PCDHA6: variants seen among roughly 807,000 people sequenced by gnomAD.
PCDHA6 encodes the protein protocadherin alpha 6.
PCDHA6 carries 55 observed loss-of-function variants against 60.3 expected under a neutral mutation model. The observed-to-expected ratio is 0.91, with a 90% CI of 0.73 to 1.14. The LOEUF (loss-of-function observed/expected upper bound fraction) is 1.14. Ranked by LOEUF, PCDHA6 falls within the 50% of genes most tolerant of loss-of-function variation. The pLI is 0.00. For missense variants in PCDHA6, 1,327 were observed against 1,256.5 expected (o/e 1.06, Z -0.85); for synonymous variants, 652 against 557.9 (o/e 1.17, Z -2.38).
rs552832365 is a variant in PCDHA6, at chr5:140,928,668, T to C, written c.2395-50281T>C. ...TAGCAGAGGATGCTGACAGTGGTTC[T>C]AATGCCTGGCTTTCCTACCACATCT... is the stretch of plus-strand genomic sequence containing the variant. On this transcript the variant is annotated intron_variant, in intron 1 of 3. Transcript: ENST00000529310. The C allele has an allele frequency of 2.4e-4, 388 of 1,614,234 alleles. 3 individuals are homozygous for C. The South Asian group carries it at 4.0e-3, about 17-fold the overall frequency.
chr5:140,944,410 C>G (rs1339076109), intron 1 of PCDHA6, among the ~76,000 whole-genome samples: 1 of 152,272 alleles, frequency 6.6e-6, no homozygotes, highest in Middle Eastern at 3.4e-3. Flanking sequence ...TGGTCTCGAA[C>G]TCCTGATCTG....
intron 1 of PCDHA6, among the ~76,000 whole-genome samples, chr5:140,931,556 A>T (rs2153608416): frequency 6.6e-6 from 1 of 152,166 alleles, no homozygotes; most frequent in East Asian, 1.9e-4. Context: ...ATGTGCAGGA[A>T]TATTGTACCA....
In PCDHA6 at chr5:140,829,702, G is replaced by C; in HGVS notation, c.1611G>C (p.Ala537=). The C allele has an allele frequency of 2.5e-6, 4 of 1,613,390 alleles. No individual in the cohort carries two copies. The highest frequency in any genetic ancestry group is 3.4e-6 in the Non-Finnish European group (4 of 1,179,872). ...AGCTGCTGCAGTTTCAGGTGAGCGCGCGCGACGCGGGCGTGCCGCCTCTGG... is the reference window on the plus strand; with the variant it reads ...AGCTGCTGCAGTTTCAGGTGAGCGCCCGCGACGCGGGCGTGCCGCCTCTGG... ...ELELLQFQVS[A]RDAGVPPLGS... is the part of the protein sequence containing the mutation. The change falls in exon 1 of 4, where the codon GCG becomes GCC. Residue 537 remains alanine, a synonymous_variant. Coordinates refer to ENST00000529310, the MANE Select transcript of PCDHA6 (RefSeq NM_018909.4).
intron 1 of PCDHA6, chr5:140,854,181 AGTTT>A (rs1554147112): frequency 9.2e-6 from 4 of 434,258 alleles, no homozygotes; most frequent in Non-Finnish European, 1.2e-5. Flanking sequence ...AAAAAAGAGT[AGTTT>A]AACTACTCCC....
chr5:140,887,101 C>CT (rs200717289), intron 1 of PCDHA6, among the ~76,000 whole-genome samples: 1,545 of 145,196 alleles, frequency 0.011, 15 homozygotes, highest in African/African-American at 0.022. Flanking sequence ...ATCTTTATCT[C>CT]TTTTTTTTTT....
intron 1 of PCDHA6, among the ~76,000 whole-genome samples, chr5:140,933,667 C>A (rs2089323484): frequency 6.6e-6 from 1 of 151,936 alleles, no homozygotes. Flanking sequence ...CTCTCTCTGT[C>A]TCTCTCACAT....
chr5:140,959,038 A>ATG (rs1387162159), intron 1 of PCDHA6, among the ~76,000 whole-genome samples: 2 of 151,994 alleles, frequency 1.3e-5, no homozygotes, highest in Non-Finnish European at 2.9e-5. Flanking sequence ...ATGGGTATGT[A>ATG]TGTATAGGAA....
intron 1 of PCDHA6, chr5:140,928,753 G>A (rs782483181): frequency 1.2e-6 from 2 of 1,614,142 alleles, no homozygotes; most frequent in Non-Finnish European, 8.5e-7. Flanking sequence ...GCTCCGTACT[G>A]CTCGCTTAGT....
chr5:140,870,629 T>C, intron 1 of PCDHA6: 2 of 1,612,984 alleles, frequency 1.2e-6, no homozygotes, highest in East Asian at 4.5e-5. Flanking sequence ...TACGTGTCGG[T>C]GCACGCGGAG....
intron 1 of PCDHA6, among the ~76,000 whole-genome samples, chr5:140,962,568 A>G (rs915587591): frequency 6.6e-6 from 1 of 152,222 alleles, no homozygotes; most frequent in Non-Finnish European, 1.5e-5. Context: ...CTAAAAGCCA[A>G]TTGTTAATGC....
intron 1 of PCDHA6, chr5:140,857,533 G>T: frequency 6.3e-7 from 1 of 1,597,578 alleles, no homozygotes. Flanking sequence ...CTCTGGTGGA[G>T]CGGCGGTTGG....
At chr5:140,885,119 TTTTC>T (rs1425065169) in intron 1 of PCDHA6, among the ~76,000 whole-genome samples, 2 of 152,334 alleles carry the variant, frequency 1.3e-5, no homozygotes, top group East Asian at 3.9e-4. Context: ...TTAAGTGCAC[TTTTC>T]TTTCTTTCTT....
At position 140,928,265 on chromosome 5, in the gene PCDHA6, A is replaced by G. The variant is rs1208273188; in HGVS notation, c.2395-50684A>G. ...CAGGAACTTTTCGTTGCTGAAAACA[A>G]TGGCCCTGGGGCCTCTCTAGGCCGA... On this transcript the variant is annotated intron_variant, in intron 1 of 3. Coordinates refer to ENST00000529310, the MANE Select transcript of PCDHA6 (RefSeq NM_018909.4). The G allele has an allele frequency of 3.1e-6, 5 of 1,614,188 alleles. No individual in the cohort carries two copies. In the South Asian group the frequency reaches 3.3e-5, roughly 11 times the overall value.
chr5:140,829,466 G>T lies in PCDHA6; in HGVS notation c.1375G>T (p.Glu459Ter), dbSNP rs2150168443. The T allele has an allele frequency of 1.9e-6, 3 of 1,613,882 alleles. No homozygotes were observed. The South Asian group carries it at 3.3e-5, about 18-fold the overall frequency. ...CAATGCTCCGGCGTTCGCGCAGCCC[G>T]AGTACACAGTGTTCGTGAAGGAGAA... ...NDNAPAFAQP[E>*]YTVFVKENNP... The change falls in exon 1 of 4, where the codon GAG becomes TAG. Residue 459 changes from glutamate (E) to a stop codon, truncating the protein, a stop_gained. Coordinates refer to ENST00000529310, the MANE Select transcript of PCDHA6 (RefSeq NM_018909.4). LOFTEE classifies it high-confidence loss of function.
intron 1 of PCDHA6, chr5:140,927,314 C>G: frequency 6.2e-7 from 1 of 1,614,194 alleles, no homozygotes; most frequent in East Asian, 2.2e-5. Flanking sequence ...ACGCCCGGAG[C>G]CCGCTTTACT....
At chr5:140,848,284 A>G (rs1378049676) in intron 1 of PCDHA6, 1 of 612,322 alleles carries the variant, frequency 1.6e-6, no homozygotes, top group Non-Finnish European at 2.9e-6. Flanking sequence ...ATGTACTTAC[A>G]CTTTGGGCCA....
chr5:140,955,998 G>A (rs1194688184), intron 1 of PCDHA6, among the ~76,000 whole-genome samples: 1 of 152,174 alleles, frequency 6.6e-6, no homozygotes, highest in Non-Finnish European at 1.5e-5. Context: ...CATTGATTTT[G>A]TATCCTGAGA....
At position 140,883,390 on chromosome 5, in the gene PCDHA6, G is replaced by A. The variant is rs373348994; in HGVS notation, c.2394+52905G>A. The A allele has an allele frequency of 2.5e-6, 4 of 1,614,050 alleles. No homozygotes were observed. The African/African-American group carries it at 5.3e-5, about 22-fold the overall frequency. ...GCGCCATTATTGCCCTAATCAGTGT[G>A]TCCGATCGTGACTCTGGCTCAAATG... is the stretch of plus-strand genomic sequence containing the variant. On this transcript the variant is annotated intron_variant, in intron 1 of 3. Coordinates refer to ENST00000529310, the MANE Select transcript of PCDHA6 (RefSeq NM_018909.4).
intron 1 of PCDHA6, chr5:140,871,166 C>G: frequency 1.2e-6 from 2 of 1,613,486 alleles, no homozygotes; most frequent in Non-Finnish European, 1.7e-6. Flanking sequence ...GCCGCGAGCC[C>G]AGAGGCTGCG....
Sources: allele counts gnomAD v4.1 joint callset (sites outside exome capture counted in the v4.1 genomes callset), GRCh38; gene constraint gnomAD v4.1.1; transcripts MANE v1.5; gene names NCBI Gene and HGNC (gene_info 2026-07-23, HGNC 2026-07-21).